The following ZFHX3 variants were observed in gnomAD, a reference collection of about 807,000 sequenced individuals.
ZFHX3 encodes the protein zinc finger homeobox 3.
ZFHX3 carries 42 observed loss-of-function variants against 279.1 expected under a neutral mutation model. The ratio of observed to expected loss-of-function variants is 0.15; its 90% CI spans 0.12 to 0.19. The LOEUF (loss-of-function observed/expected upper bound fraction) is 0.19, where lower values mean the gene tolerates loss of function less well. Ranked by LOEUF, ZFHX3 falls within the 10% of genes least tolerant of loss-of-function variation. ZFHX3 has a pLI of 1.00. For missense variants in ZFHX3, 4,981 were observed against 4,754.0 expected (o/e 1.05, Z -1.40); for synonymous variants, 2,293 against 1,957.8 (o/e 1.17, Z -4.52).
rs768024662 is a variant in ZFHX3, at chr16:73,317,135, G to T, written c.-1194+1105C>A. Reference sequence around the variant, plus strand: ...CAAGGGAATAAGATTATTCTTAAGAGGGGGGTGGGTGGTGGTGAAAACAAT... The same window carrying T: ...CAAGGGAATAAGATTATTCTTAAGATGGGGGTGGGTGGTGGTGAAAACAAT... On this transcript the variant is annotated intron_variant, in intron 4 of 17. Transcript: ENST00000641206. Among the ~76,000 whole-genome samples, 118 of 152,156 alleles carry T rather than the reference G, an allele frequency of 7.8e-4. 4 individuals are homozygous for T. Among genetic ancestry groups the T allele is most frequent in the Non-Finnish European group, 4.6e-4 (31 of 68,004 alleles).
At chr16:73,779,178 C>A (rs1196507979) in intron 1 of ZFHX3, among the ~76,000 whole-genome samples, 2 of 152,116 alleles carry the variant, frequency 1.3e-5, no homozygotes, top group East Asian at 1.9e-4. Flanking sequence ...CAACATGTGC[C>A]AAAGTATATC....
chr16:72,789,856 G>A (rs1299903331), intron 9 of ZFHX3: 3 of 152,216 alleles, frequency 2.0e-5, no homozygotes, highest in Admixed American at 1.3e-4. Flanking sequence ...GACTGTAGAT[G>A]GTTGAGAAAC....
intron 1 of ZFHX3, among the ~76,000 whole-genome samples, chr16:72,970,272 C>T (rs1054837597): frequency 6.6e-6 from 1 of 151,502 alleles, no homozygotes; most frequent in Non-Finnish European, 1.5e-5. Flanking sequence ...GAATCAAAAC[C>T]AAACCCATGA....
At chr16:73,145,360 G>A (rs1431661481) in intron 5 of ZFHX3, among the ~76,000 whole-genome samples, 1 of 152,228 alleles carries the variant, frequency 6.6e-6, no homozygotes, top group Non-Finnish European at 1.5e-5. Flanking sequence ...AGGTCAGGGT[G>A]TAGCTGCTGG....
chr16:73,161,290 T>G (rs1967229666), intron 5 of ZFHX3, among the ~76,000 whole-genome samples: 1 of 152,056 alleles, frequency 6.6e-6, no homozygotes, highest in South Asian at 2.1e-4. Context: ...CTTTCTAAAG[T>G]TAGACCTGAA....
intron 3 of ZFHX3, among the ~76,000 whole-genome samples, chr16:73,331,325 G>C (rs944950549): frequency 2.0e-5 from 3 of 152,184 alleles, no homozygotes; most frequent in Non-Finnish European, 4.4e-5. Context: ...TTCAAGATGA[G>C]ATTTGGGTAG....
At chr16:73,193,851 T>G (rs926718387) in intron 5 of ZFHX3, among the ~76,000 whole-genome samples, 17 of 152,210 alleles carry the variant, frequency 1.1e-4, no homozygotes, top group Admixed American at 1.1e-3. Context: ...TGATAAGGAT[T>G]GTGTAAGTAT....
At chr16:73,093,359 A>G in exon 8 of ZFHX3, 1 of 411,708 alleles carries the variant, frequency 2.4e-6, no homozygotes, top group South Asian at 1.8e-5. Flanking sequence ...GACGTCTGAA[A>G]GCCACAGGGG....
At chr16:73,750,543 GATCT>G in intron 1 of ZFHX3, among the ~76,000 whole-genome samples, 1 of 152,292 alleles carries the variant, frequency 6.6e-6, no homozygotes, top group East Asian at 1.9e-4. Context: ...AAATGCAGAT[GATCT>G]ATCTGGGGAT....
At chr16:72,925,889 T>C (rs1178364352) in intron 3 of ZFHX3, among the ~76,000 whole-genome samples, 2 of 152,108 alleles carry the variant, frequency 1.3e-5, no homozygotes, top group Non-Finnish European at 2.9e-5. Context: ...TACTCCCCTG[T>C]CCCCCACTAC....
rs757316628 is a variant in ZFHX3 at position 72,787,760 on chromosome 16, T to C, written c.10516A>G (p.Thr3506Ala). 2.8e-6 allele frequency: 4 copies of C among 1,426,508 alleles called. No individual in the cohort carries two copies. Among genetic ancestry groups the C allele is most frequent in the South Asian group, 1.9e-5 (1 of 51,544 alleles). 88.4% of individuals were successfully genotyped at this position (1,426,508 alleles called of 1,614,324 possible). Residue 3506 changes from threonine to alanine, a missense_variant, in exon 10 of 10, where the codon ACC becomes GCC. Coordinates refer to ENST00000268489, the MANE Select transcript of ZFHX3 (RefSeq NM_006885.4). Reference protein sequence around the residue: ...NLQEMVLHVPTGGGGGGSGGG... With the variant: ...NLQEMVLHVPAGGGGGGSGGG... ...CCACTGCCACCGCCGCCGCCGCCGGTGGGGACGTGAAGCACCATCTCTTGC... is the reference window on the plus strand; with the variant it reads ...CCACTGCCACCGCCGCCGCCGCCGGCGGGGACGTGAAGCACCATCTCTTGC...
intron 2 of ZFHX3, among the ~76,000 whole-genome samples, chr16:72,951,819 C>T (rs1212239873): frequency 6.6e-6 from 1 of 152,240 alleles, no homozygotes; most frequent in Non-Finnish European, 1.5e-5. Flanking sequence ...GCAGCAGTCA[C>T]TGGCTACCTG....
chr16:72,823,316 A>G (rs2143683969), intron 5 of ZFHX3, among the ~76,000 whole-genome samples: 1 of 152,362 alleles, frequency 6.6e-6, no homozygotes, highest in East Asian at 1.9e-4. Context: ...ACCAAGTACC[A>G]GAAAGATACA....
rs71156147 is a variant in ZFHX3 at position 73,187,144 on chromosome 16, TCACACA to T, written c.-1103-43319_-1103-43314del. On this transcript the variant is annotated intron_variant, in intron 5 of 17. Coordinates refer to the ZFHX3 transcript ENST00000641206. ...CGGGGGGATGGACAAGTTGTATGTC[TCACACA>T]CACACACACACACACACACACACTC... Among the ~76,000 whole-genome samples the T allele has an allele frequency of 1.9e-4, 28 of 147,078 alleles. 1 individual carries two copies. Among genetic ancestry groups the T allele is most frequent in the East Asian group, 1.4e-3 (7 of 4,898 alleles).
chr16:72,845,681 C>G (rs1463854951), intron 4 of ZFHX3, among the ~76,000 whole-genome samples: 1 of 152,218 alleles, frequency 6.6e-6, no homozygotes, highest in East Asian at 1.9e-4. Context: ...GTACAAAACA[C>G]TGACGACTTT....
At chr16:73,579,506 C>CA (rs1555525892) in intron 2 of ZFHX3, among the ~76,000 whole-genome samples, 1 of 144,962 alleles carries the variant, frequency 6.9e-6, no homozygotes, top group Non-Finnish European at 1.5e-5. Flanking sequence ...TTATTATAAT[C>CA]TTTTTTTTTT....
chr16:73,221,714 C>T (rs1457657736), intron 5 of ZFHX3, among the ~76,000 whole-genome samples: 1 of 152,052 alleles, frequency 6.6e-6, no homozygotes. Flanking sequence ...TAGTTTTTCT[C>T]GCCTTCTCAA....
At chr16:73,394,498 T>G (rs1567470628) in intron 3 of ZFHX3, among the ~76,000 whole-genome samples, 2 of 152,222 alleles carry the variant, frequency 1.3e-5, no homozygotes, top group Middle Eastern at 3.4e-3. Flanking sequence ...GGTATCATCA[T>G]GTTGACCAGG....
chr16:73,853,925 T>C (rs1469786214), intron 1 of ZFHX3, among the ~76,000 whole-genome samples: 1 of 152,202 alleles, frequency 6.6e-6, no homozygotes, highest in African/African-American at 2.4e-5. Context: ...TCTCCTATTA[T>C]CACTTGGTCA....
Sources: allele counts gnomAD v4.1 joint callset (sites outside exome capture counted in the v4.1 genomes callset), GRCh38; gene constraint gnomAD v4.1.1; transcripts MANE v1.5; gene names NCBI Gene and HGNC (gene_info 2026-07-23, HGNC 2026-07-21).